The following TMEM245 variants were observed in gnomAD, a reference collection of about 807,000 sequenced individuals.
The protein encoded by TMEM245 is transmembrane protein 245.
TMEM245 carries 69 observed loss-of-function variants against 101.2 expected under a neutral mutation model. The ratio of observed to expected loss-of-function variants is 0.68; its 90% CI spans 0.56 to 0.83. The LOEUF is 0.83. TMEM245 is among the 40% of genes least tolerant of loss of function. The probability of loss-of-function intolerance (pLI) is 0.00; values close to 1 mark genes in which losing one functional copy is unlikely to be tolerated. For synonymous variants in TMEM245, 537 were observed against 449.8 expected (o/e 1.19, Z -2.45); for missense variants, 1,075 against 1,092.8 (o/e 0.98, Z 0.23).
chr9:109,080,956 G>T lies in TMEM245; in HGVS notation c.1345-13C>A. ...ACCAGATGATCATCTGCACAAAAAC[G>T]AAAAAGAGAATTACTTATCTTTAAA... On this transcript the variant is annotated splice_polypyrimidine_tract_variant and intron_variant, in intron 7 of 17. Transcript: ENST00000374586. 1 of 1,483,130 alleles carries T rather than the reference G, an allele frequency of 6.7e-7. No homozygotes were observed. Among genetic ancestry groups the T allele is most frequent in the South Asian group, 1.2e-5 (1 of 85,662 alleles). The allele number at this position is 1,483,130 out of a possible 1,614,324, so 91.9% of individuals were successfully genotyped here.
chr9:109,031,239 T>C (rs1441274762), intron 17 of TMEM245, among the ~76,000 whole-genome samples: 1 of 152,228 alleles, frequency 6.6e-6, no homozygotes, highest in Non-Finnish European at 1.5e-5. Flanking sequence ...CAGTAAGTAC[T>C]GTGCGCATGT....
rs530968651 is a variant in TMEM245, at chr9:109,059,130, A to G, written c.1722+1224T>C. On this transcript the variant is annotated intron_variant, in intron 11 of 17. Transcript: ENST00000374586. The stretch of plus-strand genomic sequence containing the variant: ...AAGCAGAAGCCCCAGAGTTAGCAAA[A>G]GAAATAGATATACCTTTCTAATTAT... 2.6e-5 allele frequency among the ~76,000 whole-genome samples: 4 copies of G among 152,310 alleles called. No homozygotes were observed. The South Asian group carries it at 8.3e-4, about 32-fold the overall frequency.
chr9:109,108,641 G>A, intron 1 of TMEM245, 71 bp from the exon 2 acceptor site: 1 of 1,148,548 alleles, frequency 8.7e-7, no homozygotes, highest in Non-Finnish European at 1.3e-6. Flanking sequence ...TACAAAATCT[G>A]TAAGTGTCTA....
At chr9:109,113,150 G>GT (rs1266451303) in intron 1 of TMEM245, among the ~76,000 whole-genome samples, 1 of 152,202 alleles carries the variant, frequency 6.6e-6, no homozygotes, top group Non-Finnish European at 1.5e-5. Context: ...TTCTGCTTAT[G>GT]TTTTTTCAAA....
intron 17 of TMEM245, among the ~76,000 whole-genome samples, chr9:109,023,910 CTG>C (rs1439413754): frequency 6.6e-6 from 1 of 151,502 alleles, no homozygotes; most frequent in Non-Finnish European, 1.5e-5. Context: ...GACTAGAGGA[CTG>C]TTAACATTTT....
At chr9:109,053,201 G>A (rs1194345441) in intron 12 of TMEM245, among the ~76,000 whole-genome samples, 1 of 152,130 alleles carries the variant, frequency 6.6e-6, no homozygotes, top group African/African-American at 2.4e-5. Flanking sequence ...CAAGGTGAGC[G>A]GATCAGTTGA....
chr9:109,109,671 G>C (rs982832374), intron 1 of TMEM245, among the ~76,000 whole-genome samples: 3 of 152,058 alleles, frequency 2.0e-5, no homozygotes, highest in Non-Finnish European at 4.4e-5. Flanking sequence ...TTTTGAAAAA[G>C]TTTTAAATAT....
chr9:109,083,893 TA>T (rs1829742505), intron 7 of TMEM245, among the ~76,000 whole-genome samples: 1 of 7,866 alleles, frequency 1.3e-4, no homozygotes, highest in African/African-American at 4.4e-4. Context: ...CCATCTCTAC[TA>T]AAAATACAAA....
At chr9:109,073,548 A>G in intron 8 of TMEM245, 110 bp from the exon 9 acceptor site, 1 of 757,584 alleles carries the variant, frequency 1.3e-6, no homozygotes, top group Admixed American at 2.5e-5. Context: ...AAATAAATAC[A>G]CATCTTTGCT....
At chr9:109,092,775 G>A (rs1830041331) in intron 4 of TMEM245, among the ~76,000 whole-genome samples, 1 of 152,138 alleles carries the variant, frequency 6.6e-6, no homozygotes, top group Non-Finnish European at 1.5e-5. Flanking sequence ...CTGGAACTCT[G>A]CAAGAGTACA....
intron 12 of TMEM245, 117 bp from the exon 13 acceptor site, chr9:109,050,809 G>A (rs1342404578): frequency 4.8e-5 from 51 of 1,065,170 alleles, no homozygotes; most frequent in Non-Finnish European, 6.5e-5. Context: ...GCTAAGAACT[G>A]AGGATTATTT....
intron 7 of TMEM245, among the ~76,000 whole-genome samples, chr9:109,084,549 C>T (rs1035101170): frequency 1.3e-5 from 2 of 152,130 alleles, no homozygotes; most frequent in African/African-American, 4.8e-5. Flanking sequence ...CTCTTGAGGG[C>T]AATTTCATTT....
At chr9:109,048,138 T>G (rs902214024) in intron 14 of TMEM245, among the ~76,000 whole-genome samples, 1 of 152,188 alleles carries the variant, frequency 6.6e-6, no homozygotes. Flanking sequence ...GGAATCTTTA[T>G]AGATGGCCCC....
chr9:109,063,251 C>T (rs964354992), intron 10 of TMEM245, among the ~76,000 whole-genome samples: 1 of 152,038 alleles, frequency 6.6e-6, no homozygotes, highest in African/African-American at 2.4e-5. Context: ...TCCTGAGTAG[C>T]TCGGATTACA....
At chr9:109,058,606 G>A (rs1828918411) in intron 11 of TMEM245, among the ~76,000 whole-genome samples, 1 of 152,120 alleles carries the variant, frequency 6.6e-6, no homozygotes, top group Non-Finnish European at 1.5e-5. Context: ...TGGTAGGAAT[G>A]TTGTCTTCTT....
intron 2 of TMEM245, among the ~76,000 whole-genome samples, chr9:109,107,004 G>A (rs373268784): frequency 2.6e-5 from 4 of 151,184 alleles, no homozygotes; most frequent in African/African-American, 7.2e-5. Flanking sequence ...AAATACCACC[G>A]GGCGTGAACT....
At chr9:109,095,371 T>A (rs1366488804) in intron 3 of TMEM245, among the ~76,000 whole-genome samples, 1 of 152,212 alleles carries the variant, frequency 6.6e-6, no homozygotes, top group Admixed American at 6.5e-5. Context: ...AACGTGTGTA[T>A]AGAAATTATG....
chr9:109,107,799 C>G (rs183032774), intron 2 of TMEM245, among the ~76,000 whole-genome samples: 1 of 152,182 alleles, frequency 6.6e-6, no homozygotes, highest in Non-Finnish European at 1.5e-5. Flanking sequence ...CCATAAGTAC[C>G]ACGCTGAAAA....
intron 3 of TMEM245, among the ~76,000 whole-genome samples, chr9:109,106,260 T>C (rs1588079254): frequency 6.6e-6 from 1 of 151,560 alleles, no homozygotes; most frequent in Admixed American, 6.6e-5. Flanking sequence ...TTTATAAAAA[T>C]AAAATATTTT....
Sources: gnomAD v4.1 joint callset for allele counts (sites outside exome capture counted in the v4.1 genomes callset) on GRCh38, gnomAD v4.1.1 for gene constraint, MANE v1.5 for transcripts, NCBI Gene and HGNC (gene_info 2026-07-23, HGNC 2026-07-21) for gene names.